The following MTPAP variants were observed in gnomAD, a reference collection of about 807,000 sequenced individuals.
The protein encoded by MTPAP is mitochondrial poly(A) polymerase.
MTPAP carries 23 observed loss-of-function variants against 48.7 expected under a neutral mutation model. The observed-to-expected ratio is 0.47, with a 90% CI of 0.34 to 0.67. MTPAP has a LOEUF of 0.67. Among genes scored for constraint, MTPAP ranks in the 30% least tolerant of loss-of-function variants. The pLI is 0.01. For synonymous variants in MTPAP, 257 were observed against 254.1 expected (o/e 1.01, Z -0.11); for missense variants, 614 against 694.3 (o/e 0.88, Z 1.30).
At position 30,313,428 on chromosome 10, in the gene MTPAP, G is replaced by A; in HGVS notation, c.*181C>T. ...TTTAATAAAGTGCCACTGAGTATCAGACTGATCAAACTGAAAACATCCCAG... is the reference window on the plus strand; with the variant it reads ...TTTAATAAAGTGCCACTGAGTATCAAACTGATCAAACTGAAAACATCCCAG... On this transcript the variant is annotated 3_prime_UTR_variant, in exon 9 of 9. Transcript: ENST00000263063. 1.2e-6 allele frequency: 1 copy of A among 808,820 alleles called. No individual in the cohort carries two copies. 50.1% of individuals were successfully genotyped at this position (808,820 alleles called of 1,614,324 possible). A position where few individuals can be genotyped will look rare whatever the true frequency, so the allele number is the denominator to read the frequency against.
At chr10:30,320,256 A>C (rs1375296410) in intron 6 of MTPAP, among the ~76,000 whole-genome samples, 1 of 152,148 alleles carries the variant, frequency 6.6e-6, no homozygotes, top group African/African-American at 2.4e-5. Flanking sequence ...GGTAGAGCAC[A>C]GTGGCTCACG....
chr10:30,327,519 T>C (rs917293938), intron 4 of MTPAP, among the ~76,000 whole-genome samples: 7 of 146,356 alleles, frequency 4.8e-5, no homozygotes, highest in Non-Finnish European at 9.0e-5. Flanking sequence ...AATAAATAAA[T>C]AAATAAATAA....
intron 1 of MTPAP, 140 bp downstream of exon 1, chr10:30,348,979 G>C: frequency 7.9e-7 from 1 of 1,266,838 alleles, no homozygotes; most frequent in Non-Finnish European, 1.1e-6. Context: ...ACAGAGATCA[G>C]AGGAGAGGAG....
intron 5 of MTPAP, among the ~76,000 whole-genome samples, chr10:30,323,145 A>AAG (rs1840745530): frequency 6.7e-6 from 1 of 148,686 alleles, no homozygotes; most frequent in African/African-American, 2.5e-5. Context: ...AAAAAAAAAA[A>AAG]AAAAAGAAAG....
intron 1 of MTPAP, among the ~76,000 whole-genome samples, chr10:30,342,391 C>T (rs1834821593): frequency 1.3e-5 from 2 of 152,122 alleles, no homozygotes. Context: ...CTGTGAGGAA[C>T]CGAAACTGTG....
At chr10:30,318,139 G>A (rs1007155769) in intron 6 of MTPAP, among the ~76,000 whole-genome samples, 10 of 152,084 alleles carry the variant, frequency 6.6e-5, no homozygotes, top group Non-Finnish European at 1.2e-4. Context: ...GATTACAGGC[G>A]TGAGCCACCG....
chr10:30,338,895 G>A (rs1378581310), intron 3 of MTPAP, among the ~76,000 whole-genome samples: 7 of 152,058 alleles, frequency 4.6e-5, no homozygotes, highest in Admixed American at 6.6e-5. Context: ...AGGCCAAGGC[G>A]GGCGGATCAC....
chr10:30,347,695 A>G (rs1313074144), intron 1 of MTPAP, among the ~76,000 whole-genome samples: 1 of 152,202 alleles, frequency 6.6e-6, no homozygotes, highest in Non-Finnish European at 1.5e-5. Context: ...GTTCAAGATC[A>G]GCCTGGCCAA....
intron 8 of MTPAP, among the ~76,000 whole-genome samples, chr10:30,315,370 CA>C (rs1321788859): frequency 3.3e-5 from 5 of 152,116 alleles, no homozygotes; most frequent in Middle Eastern, 3.2e-3. Flanking sequence ...TAAACCCAAA[CA>C]GAGGGCTATC....
chr10:30,326,403 A>T (rs1205218736), intron 5 of MTPAP, 21 bp downstream of exon 5: 12 of 1,594,798 alleles, frequency 7.5e-6, no homozygotes, highest in Non-Finnish European at 1.0e-5. Flanking sequence ...TATTTAAAAT[A>T]ATAAATGTAA....
intron 4 of MTPAP, among the ~76,000 whole-genome samples, chr10:30,335,793 T>A (rs1834723879): frequency 6.6e-6 from 1 of 152,008 alleles, no homozygotes; most frequent in Non-Finnish European, 1.5e-5. Context: ...GTGGATCACC[T>A]GAGGTCAGGA....
chr10:30,314,049 T>G, intron 8 of MTPAP, 78 bp from the exon 9 acceptor site: 5 of 1,470,928 alleles, frequency 3.4e-6, no homozygotes, highest in Non-Finnish European at 2.8e-6. Context: ...CTCAATAAAA[T>G]GTCAAAACAC....
chr10:30,327,037 G>A (rs1428036467), intron 4 of MTPAP, among the ~76,000 whole-genome samples: 1 of 152,056 alleles, frequency 6.6e-6, no homozygotes, highest in African/African-American at 2.4e-5. Context: ...GGAAGTACAG[G>A]CACAAGAGCT....
chr10:30,314,341 T>C (rs1840636043), intron 8 of MTPAP, among the ~76,000 whole-genome samples: 1 of 152,010 alleles, frequency 6.6e-6, no homozygotes, highest in African/African-American at 2.4e-5. Context: ...AAAAAATGAT[T>C]AAAAAATCAG....
At position 30,313,649 on chromosome 10, in the gene MTPAP, G is replaced by T; in HGVS notation, c.1709C>A (p.Thr570Lys). 6.2e-7 allele frequency: 1 copy of T among 1,614,134 alleles called. No individual in the cohort carries two copies. Among genetic ancestry groups the T allele is most frequent in the Non-Finnish European group, 8.5e-7 (1 of 1,179,974 alleles). The change falls in exon 9 of 9, where the codon ACA (threonine) becomes AAA (lysine). Residue 570 changes from threonine (T) to lysine (K), a missense_variant. Transcript: ENST00000263063. ...SLKGNRTENF[T>K]KTSGKRTIST... ...AATTGTTCTCTTCCCACTGGTTTTT[G>T]TGAAATTTTCTGTTCTGTTACCTTT...
chr10:30,334,154 T>C (rs1049054385), intron 4 of MTPAP, among the ~76,000 whole-genome samples: 2 of 152,020 alleles, frequency 1.3e-5, no homozygotes, highest in African/African-American at 2.4e-5. Flanking sequence ...ACCTGCAAGA[T>C]ACTACAAAAA....
At chr10:30,340,924 A>AC (rs1834797585) in intron 2 of MTPAP, among the ~76,000 whole-genome samples, 2 of 152,022 alleles carry the variant, frequency 1.3e-5, no homozygotes, top group African/African-American at 4.8e-5. Context: ...ATGTCAAAAA[A>AC]AAAGAAACGG....
Position 30,315,987 on chromosome 10 carries a change from A to T in MTPAP, c.1362T>A (p.Asp454Glu), listed in dbSNP as rs1307745179. Residue 454 changes from aspartate to glutamate, a missense_variant, in exon 8 of 9, where the codon GAT (aspartate) becomes GAA (glutamate). By Grantham distance (45) the Asp-to-Glu change is conservative. Coordinates refer to ENST00000263063, the MANE Select transcript of MTPAP (RefSeq NM_018109.4). Reference protein sequence around the residue: ...FFEYFGNFAFDKNSINIRQGR... With the variant: ...FFEYFGNFAFEKNSINIRQGR... ...CCTGTCGAATATTTATGGAATTTTT[A>T]TCGAAAGCAAAATTGCCAAAATACT... 6.2e-7 allele frequency: 1 copy of T among 1,604,102 alleles called. No individual in the cohort carries two copies. Among genetic ancestry groups the T allele is most frequent in the Non-Finnish European group, 8.5e-7 (1 of 1,172,758 alleles).
rs1047988 is a variant in MTPAP at position 30,340,207 on chromosome 10, G to A, written c.555+19C>T. 418,860 of 1,569,076 alleles carry A rather than the reference G, an allele frequency of 0.27. 57,163 individuals are homozygous for A. Among genetic ancestry groups the A allele is most frequent in the Non-Finnish European group, 0.28 (316,389 of 1,139,232 alleles). On this transcript the variant is annotated intron_variant, in intron 3 of 8. Transcript: ENST00000263063. ...AAAAATACATAGTTCTAAAAGTTGA[G>A]GTACACCTAAAAACTTACACTTTCT... is the stretch of plus-strand genomic sequence containing the variant.
Sources: gnomAD v4.1 joint callset for allele counts (sites outside exome capture counted in the v4.1 genomes callset) on GRCh38, gnomAD v4.1.1 for gene constraint, MANE v1.5 for transcripts, NCBI Gene and HGNC (gene_info 2026-07-23, HGNC 2026-07-21) for gene names.